RSPO2: variants seen among roughly 807,000 people sequenced by gnomAD.
RSPO2 encodes R-spondin 2.
In RSPO2, 14 loss-of-function variants were observed where a neutral mutation model predicts 30.9. That is an observed-to-expected ratio of 0.45 (90% CI 0.30 to 0.71). The LOEUF (loss-of-function observed/expected upper bound fraction) is 0.71. RSPO2 is among the 30% of genes least tolerant of loss of function. The probability of loss-of-function intolerance (pLI) is 0.08; values close to 1 mark genes in which losing one functional copy is unlikely to be tolerated. For missense variants in RSPO2, 264 were observed against 301.9 expected, an observed-to-expected ratio of 0.87 and a Z score of 0.93; for synonymous variants, 107 against 96.4, an observed-to-expected ratio of 1.11 and a Z score of -0.64.
intron 3 of RSPO2, among the ~76,000 whole-genome samples, chr8:107,971,097 G>A: frequency 6.6e-6 from 1 of 152,114 alleles, no homozygotes; most frequent in Non-Finnish European, 1.5e-5. Flanking sequence ...TAAAGCACTA[G>A]GTGTATGTTT....
intron 2 of RSPO2, among the ~76,000 whole-genome samples, chr8:108,066,440 A>C (rs1812668994): frequency 7.1e-6 from 1 of 141,258 alleles, no homozygotes; most frequent in Non-Finnish European, 1.5e-5. Flanking sequence ...GTTAGCAAAA[A>C]CCAACAAGTC....
At position 107,933,520 on chromosome 8, in the gene RSPO2, C is replaced by A. The variant is rs186643589; in HGVS notation, c.616+24560G>T. On this transcript the variant is annotated intron_variant, in intron 5 of 5. Transcript: ENST00000276659. ...TAAAAAAATGTTTTAAGTACCACCA[C>A]ATTAACAATGCTAAAAATTGATGAA... Among the ~76,000 whole-genome samples, 7 of 152,270 alleles carry A rather than the reference C, an allele frequency of 4.6e-5. 1 individual carries two copies. The East Asian group carries it at 1.2e-3, about 25-fold the overall frequency.
At chr8:107,955,864 A>G (rs1035992652) in intron 5 of RSPO2, among the ~76,000 whole-genome samples, 1 of 152,172 alleles carries the variant, frequency 6.6e-6, no homozygotes, top group Non-Finnish European at 1.5e-5. Flanking sequence ...AAATCCATAC[A>G]TATGTTGCAA....
In RSPO2 at chr8:107,947,054, A is replaced by G. The variant is rs76284479; in HGVS notation, c.616+11026T>C. Among the ~76,000 whole-genome samples, 1,250 of 152,358 alleles carry G rather than the reference A, an allele frequency of 8.2e-3. 16 individuals are homozygous for G. Among genetic ancestry groups the G allele is most frequent in the African/African-American group, 0.029 (1,193 of 41,596 alleles). ...TACATTGCTTCTCACTTCATGCCAC[A>G]AACTGCAAACTGATTAGCTACATGG... On this transcript the variant is annotated intron_variant, in intron 5 of 5. Transcript: ENST00000276659.
intron 2 of RSPO2, among the ~76,000 whole-genome samples, chr8:108,012,074 G>T (rs1475062624): frequency 6.6e-6 from 1 of 152,072 alleles, no homozygotes; most frequent in Non-Finnish European, 1.5e-5. Flanking sequence ...ATTTCTAGAC[G>T]AATTCAACAT....
chr8:107,928,207 TGA>T (rs1812445937), intron 5 of RSPO2, among the ~76,000 whole-genome samples: 1 of 152,178 alleles, frequency 6.6e-6, no homozygotes, highest in Admixed American at 6.5e-5. Context: ...CAGTAGTTTC[TGA>T]GAGAGAAAAA....
At chr8:107,915,204 C>T (rs1811942059) in intron 5 of RSPO2, among the ~76,000 whole-genome samples, 1 of 152,092 alleles carries the variant, frequency 6.6e-6, no homozygotes, top group South Asian at 2.1e-4. Context: ...TTATGACTAA[C>T]AAATTACAAA....
At chr8:108,028,965 T>G (rs1257328288) in intron 2 of RSPO2, among the ~76,000 whole-genome samples, 1 of 151,684 alleles carries the variant, frequency 6.6e-6, no homozygotes, top group Non-Finnish European at 1.5e-5. Flanking sequence ...TCTAATTTTT[T>G]TTTTTTGAAT....
intron 2 of RSPO2, chr8:108,072,970 A>G (rs191850984): frequency 3.3e-4 from 50 of 152,336 alleles, no homozygotes; most frequent in African/African-American, 9.1e-4. Context: ...CTGAATTTAA[A>G]AAATAAAATA....
intron 2 of RSPO2, among the ~76,000 whole-genome samples, chr8:108,051,086 G>T (rs1287754549): frequency 6.6e-6 from 1 of 152,172 alleles, no homozygotes; most frequent in African/African-American, 2.4e-5. Context: ...TAAGCAATGA[G>T]CAAAATCTTC....
chr8:108,082,538 G>A lies in RSPO2; in HGVS notation c.94+7C>T, dbSNP rs199978983. 26 of 1,611,848 alleles carry A rather than the reference G, an allele frequency of 1.6e-5. No homozygotes were observed. Among genetic ancestry groups the A allele is most frequent in the Non-Finnish European group, 2.1e-5 (25 of 1,177,926 alleles). On this transcript the variant is annotated splice_region_variant and intron_variant, in intron 2 of 5. Coordinates refer to ENST00000276659, the MANE Select transcript of RSPO2 (RefSeq NM_178565.5). Reference sequence around the variant, plus strand: ...CCACCACGCACCTTTGGCAGAGAGGGACCCACCTCGCTTACTGCGTCTCCA... The same window carrying A: ...CCACCACGCACCTTTGGCAGAGAGGAACCCACCTCGCTTACTGCGTCTCCA...
intron 2 of RSPO2, among the ~76,000 whole-genome samples, chr8:108,020,741 T>C (rs750624167): frequency 2.6e-5 from 4 of 152,170 alleles, no homozygotes; most frequent in Non-Finnish European, 5.9e-5. Flanking sequence ...TAAAGGAACA[T>C]GCAATCTCCT....
intron 2 of RSPO2, among the ~76,000 whole-genome samples, chr8:108,040,939 A>G (rs1200465161): frequency 6.6e-6 from 1 of 152,170 alleles, no homozygotes; most frequent in African/African-American, 2.4e-5. Context: ...ATCAACAGCA[A>G]ATTCAAATGT....
chr8:108,010,066 A>G (rs1352940501), intron 2 of RSPO2, among the ~76,000 whole-genome samples: 1 of 152,118 alleles, frequency 6.6e-6, no homozygotes, highest in Non-Finnish European at 1.5e-5. Context: ...AAAAATAAAA[A>G]AAAAAATTAA....
intron 2 of RSPO2, among the ~76,000 whole-genome samples, chr8:108,080,618 G>A (rs551858024): frequency 1.3e-5 from 2 of 152,282 alleles, no homozygotes; most frequent in African/African-American, 2.4e-5. Flanking sequence ...CCTTCTGGCC[G>A]CAGGAGTGCT....
chr8:107,951,787 C>T (rs1244909680), intron 5 of RSPO2, among the ~76,000 whole-genome samples: 5 of 152,058 alleles, frequency 3.3e-5, no homozygotes, highest in South Asian at 2.1e-4. Flanking sequence ...AAAATGAAAC[C>T]GAGAAAAGAA....
chr8:107,938,116 T>TAGAAGTC (rs923471107), intron 5 of RSPO2, among the ~76,000 whole-genome samples: 15 of 152,140 alleles, frequency 9.9e-5, no homozygotes, highest in Non-Finnish European at 1.6e-4. Flanking sequence ...TCTACAAAAT[T>TAGAAGTC]AGAAGTCTTA....
At chr8:107,981,523 AAAAGAAAG>A (rs71308763) in intron 3 of RSPO2, among the ~76,000 whole-genome samples, 1 of 151,396 alleles carries the variant, frequency 6.6e-6, no homozygotes, top group Non-Finnish European at 1.5e-5. Flanking sequence ...TGTCTCAGAA[AAAAGAAAG>A]AAAGAAAGAC....
At chr8:107,925,866 T>C (rs150207987) in intron 5 of RSPO2, among the ~76,000 whole-genome samples, 18,877 of 152,168 alleles carry the variant, frequency 0.12, 1,503 homozygotes, top group Middle Eastern at 0.32. Context: ...AATAAACATA[T>C]GTGTGCATGT....
Sources: gnomAD v4.1 joint callset for allele counts (sites outside exome capture counted in the v4.1 genomes callset) on GRCh38, gnomAD v4.1.1 for gene constraint, MANE v1.5 for transcripts, NCBI Gene and HGNC (gene_info 2026-07-23, HGNC 2026-07-21) for gene names.